The following DOCK1 variants were observed in gnomAD, a reference collection of about 807,000 sequenced individuals.
DOCK1 encodes dedicator of cytokinesis 1.
Under a neutral mutation model 262.7 loss-of-function variants are expected in DOCK1, and 138 were observed. The ratio of observed to expected loss-of-function variants is 0.53; its 90% confidence interval spans 0.46 to 0.61. The LOEUF is 0.61. Ranked by LOEUF, DOCK1 falls within the 20% of genes least tolerant of loss-of-function variation. The probability of loss-of-function intolerance (pLI) is 0.00; values close to 1 mark genes in which losing one functional copy is unlikely to be tolerated. For missense variants in DOCK1, 1,908 were observed against 2,370.7 expected (o/e 0.80, Z 4.05); for synonymous variants, 866 against 867.4 (o/e 1.00, Z 0.03).
intron 47 of DOCK1, among the ~76,000 whole-genome samples, chr10:127,432,770 G>C (rs1022208775): frequency 2.6e-5 from 4 of 152,146 alleles, no homozygotes; most frequent in Non-Finnish European, 5.9e-5. Flanking sequence ...CTACTCAGTG[G>C]CTTCAGTCAC....
intron 29 of DOCK1, among the ~76,000 whole-genome samples, chr10:127,288,789 A>G (rs1194494905): frequency 6.6e-6 from 1 of 150,454 alleles, no homozygotes; most frequent in East Asian, 1.9e-4. Context: ...ACACACACAC[A>G]CACACACACA....
At chr10:127,237,972 T>G (rs1031235255) in intron 27 of DOCK1, among the ~76,000 whole-genome samples, 1 of 152,236 alleles carries the variant, frequency 6.6e-6, no homozygotes, top group African/African-American at 2.4e-5. Context: ...CATATTAACA[T>G]TTTGCCATGT....
chr10:127,048,033 G>C (rs957506506), intron 21 of DOCK1, among the ~76,000 whole-genome samples: 4 of 152,138 alleles, frequency 2.6e-5, no homozygotes, highest in Non-Finnish European at 5.9e-5. Flanking sequence ...AGCACCTAGC[G>C]GTAGAATTGC....
At chr10:126,905,954 C>T (rs1001485926) in intron 1 of DOCK1, among the ~76,000 whole-genome samples, 2 of 152,152 alleles carry the variant, frequency 1.3e-5, no homozygotes, top group East Asian at 3.9e-4. Context: ...CCAGGGGTCA[C>T]TGTCTCGCGG....
chr10:127,407,030 C>CG (rs951192424), intron 40 of DOCK1, among the ~76,000 whole-genome samples: 143 of 149,464 alleles, frequency 9.6e-4, no homozygotes, highest in Non-Finnish European at 1.7e-3. Context: ...TTTTTTTTTT[C>CG]GGGGGGGCGG....
At chr10:127,010,918 C>T (rs899231393) in intron 11 of DOCK1, among the ~76,000 whole-genome samples, 2 of 151,966 alleles carry the variant, frequency 1.3e-5, no homozygotes, top group African/African-American at 4.9e-5. Context: ...TGCTAGTGTC[C>T]TCTGTGAAAA....
At chr10:127,002,138 T>C (rs1407290873) in intron 10 of DOCK1, among the ~76,000 whole-genome samples, 1 of 152,108 alleles carries the variant, frequency 6.6e-6, no homozygotes, top group Non-Finnish European at 1.5e-5. Context: ...TCCAGGATTG[T>C]TTTTTTTCTT....
intron 27 of DOCK1, among the ~76,000 whole-genome samples, chr10:127,205,915 T>A (rs1191657788): frequency 6.6e-6 from 1 of 152,176 alleles, no homozygotes. Context: ...AAAAGAGTTA[T>A]CATCTATGGG....
chr10:127,307,220 A>G (rs1447455670), intron 29 of DOCK1, among the ~76,000 whole-genome samples: 1 of 152,178 alleles, frequency 6.6e-6, no homozygotes, highest in Non-Finnish European at 1.5e-5. Context: ...GATGTGAGAC[A>G]GGTGAAGCTC....
intron 27 of DOCK1, among the ~76,000 whole-genome samples, chr10:127,218,686 C>A (rs539670089): frequency 1.4e-4 from 21 of 152,248 alleles, no homozygotes; most frequent in Non-Finnish European, 2.9e-4. Context: ...TTTCCCTCCA[C>A]TTTCTGTTGT....
chr10:126,964,779 G>T (rs1339940110), intron 1 of DOCK1, among the ~76,000 whole-genome samples: 1 of 152,302 alleles, frequency 6.6e-6, no homozygotes, highest in South Asian at 2.1e-4. Flanking sequence ...TGGCAGGTGG[G>T]CTATCTCCTT....
At chr10:127,182,990 G>T (rs1361858676) in intron 27 of DOCK1, among the ~76,000 whole-genome samples, 1 of 151,820 alleles carries the variant, frequency 6.6e-6, no homozygotes, top group East Asian at 1.9e-4. Context: ...AGACTTAGTG[G>T]GAATCTCACT....
intron 22 of DOCK1, among the ~76,000 whole-genome samples, chr10:127,057,144 C>G (rs1252753575): frequency 2.0e-5 from 3 of 152,206 alleles, no homozygotes; most frequent in Non-Finnish European, 2.9e-5. Context: ...TGACAAGCTC[C>G]AAATGAGTCT....
chr10:127,369,033 T>A (rs2065071960), intron 33 of DOCK1, among the ~76,000 whole-genome samples: 1 of 152,160 alleles, frequency 6.6e-6, no homozygotes, highest in African/African-American at 2.4e-5. Context: ...TTCCAGAAAT[T>A]CCCATTTAGT....
At chr10:127,053,633 AT>A (rs2044912005) in intron 22 of DOCK1, among the ~76,000 whole-genome samples, 2 of 152,264 alleles carry the variant, frequency 1.3e-5, no homozygotes, top group Non-Finnish European at 2.9e-5. Context: ...ATTGAACTGT[AT>A]ACTTAAAATG....
At chr10:127,218,808 C>T (rs1475180757) in intron 27 of DOCK1, among the ~76,000 whole-genome samples, 2 of 152,112 alleles carry the variant, frequency 1.3e-5, no homozygotes, top group African/African-American at 4.8e-5. Context: ...ATTTGTTTCT[C>T]GTGGTTCTGG....
intron 1 of DOCK1, among the ~76,000 whole-genome samples, chr10:126,919,911 T>C (rs1749794829): frequency 6.6e-6 from 1 of 152,222 alleles, no homozygotes; most frequent in Admixed American, 6.5e-5. Flanking sequence ...TAGCAAAATG[T>C]CATGAACTGC....
At chr10:127,046,355 C>T (rs959418390) in intron 21 of DOCK1, among the ~76,000 whole-genome samples, 8 of 152,172 alleles carry the variant, frequency 5.3e-5, no homozygotes, top group Non-Finnish European at 7.3e-5. Flanking sequence ...TTCGCCTCTT[C>T]AGAACAGCGA....
At chr10:127,334,238 C>T (rs10764972) in intron 29 of DOCK1, among the ~76,000 whole-genome samples, 52,310 of 151,660 alleles carry the variant, frequency 0.34, 9,431 homozygotes, top group East Asian at 0.53. Context: ...GGACATGAAG[C>T]CATTGATAGA....
Sources: allele counts gnomAD v4.1 joint callset (sites outside exome capture counted in the v4.1 genomes callset), GRCh38; gene constraint gnomAD v4.1.1; transcripts MANE v1.5; gene names NCBI Gene and HGNC (gene_info 2026-07-23, HGNC 2026-07-21).